ZNF385A: variants seen among roughly 807,000 people sequenced by gnomAD.
The protein encoded by ZNF385A is hematopoietic zinc finger protein.
ZNF385A carries 14 observed loss-of-function variants against 32.1 expected under a neutral mutation model. The ratio of observed to expected loss-of-function variants is 0.44; its 90% confidence interval spans 0.29 to 0.68. The LOEUF (loss-of-function observed/expected upper bound fraction) is 0.68. Among genes scored for constraint, ZNF385A ranks in the 30% least tolerant of loss-of-function variants. ZNF385A has a pLI of 0.14. For missense variants in ZNF385A, 406 were observed against 478.4 expected (o/e 0.85, Z 1.41); for synonymous variants, 197 against 202.7 (o/e 0.97, Z 0.24).
Position 54,370,730 on chromosome 12 carries a change from G to A in ZNF385A, c.775-9C>T. 2 of 1,584,274 alleles carry A rather than the reference G, an allele frequency of 1.3e-6. No individual in the cohort carries two copies. Among genetic ancestry groups the A allele is most frequent in the South Asian group, 1.1e-5 (1 of 88,368 alleles). Reference sequence around the variant, plus strand: ...CGCCGGCTGGAGATGTGCTGCGGGGGCCAGTGGATAGGGGGCTGTGAGCTC... The same window carrying A: ...CGCCGGCTGGAGATGTGCTGCGGGGACCAGTGGATAGGGGGCTGTGAGCTC... On this transcript the variant is annotated splice_polypyrimidine_tract_variant and intron_variant, in intron 5 of 6. Coordinates refer to ENST00000394313, the MANE Select transcript of ZNF385A (RefSeq NM_015481.3). The surrounding 1 kb of genome is among the most constrained non-coding windows in gnomAD (Gnocchi z 5.5).
chr12:54,387,135 G>C (rs2137311009), upstream of ZNF385A, among the ~76,000 whole-genome samples: 1 of 152,308 alleles, frequency 6.6e-6, no homozygotes, highest in South Asian at 2.1e-4. Context: ...GGAGAGGAAG[G>C]GGAGAGCAGG....
At chr12:54,379,908 C>T (rs372956365) in intron 1 of ZNF385A, among the ~76,000 whole-genome samples, 1 of 152,356 alleles carries the variant, frequency 6.6e-6, no homozygotes, top group African/African-American at 2.4e-5. Flanking sequence ...GCCCACTCCC[C>T]CAGACACCTC....
intron 3 of ZNF385A, 26 bp from the exon 4 acceptor site, chr12:54,371,741 A>T: frequency 1.2e-6 from 2 of 1,610,394 alleles, no homozygotes; most frequent in African/African-American, 1.3e-5. Flanking sequence ...AAACATGGGG[A>T]TCACCCTAGA....
Position 54,375,921 on chromosome 12 carries a change from T to TGTG in ZNF385A, c.118_120dup (p.His40dup). The TGTG allele has an allele frequency of 6.2e-7, 1 of 1,614,040 alleles. No homozygotes were observed. Among genetic ancestry groups the TGTG allele is most frequent in the East Asian group, 2.2e-5 (1 of 44,878 alleles). ...GTCTTGAGCAAGGGTCCCCCAAAAGTGTGGGAGAGCACAGCCTTCTGCACA... is the reference window on the plus strand; with the variant it reads ...GTCTTGAGCAAGGGTCCCCCAAAAGTGTGGTGGGAGAGCACAGCCTTCTGCACA... On this transcript the variant is annotated inframe_insertion, in exon 2 of 7. Coordinates refer to ENST00000394313, the MANE Select transcript of ZNF385A (RefSeq NM_015481.3).
intron 3 of ZNF385A, among the ~76,000 whole-genome samples, chr12:54,373,380 G>A (rs1954661483): frequency 6.6e-6 from 1 of 151,790 alleles, no homozygotes; most frequent in South Asian, 2.1e-4. Context: ...CAATTTCTTG[G>A]CTGCAAGTAT....
chr12:54,390,741 C>T (rs921372400), intron 1 of ZNF385A, among the ~76,000 whole-genome samples: 44 of 151,176 alleles, frequency 2.9e-4, no homozygotes, highest in African/African-American at 1.0e-3. Flanking sequence ...ACCACACTCA[C>T]CTCGAAGCTA....
At chr12:54,384,906 C>T (rs910864621), upstream of ZNF385A, 5 of 1,052,774 alleles carry the variant, frequency 4.7e-6, no homozygotes, top group Non-Finnish European at 5.7e-6. Flanking sequence ...CAGCCTCAAG[C>T]CCCTGGCCAC....
At position 54,370,994 on chromosome 12, in the gene ZNF385A, G is replaced by T. The variant is rs759984380; in HGVS notation, c.707C>A (p.Ala236Asp). 9.3e-6 allele frequency: 15 copies of T among 1,614,094 alleles called. No homozygotes were observed. The highest frequency in any genetic ancestry group is 1.3e-5 in the Non-Finnish European group (15 of 1,180,036). ...CTCACAGTGGAAAGTTCGGTCCTGG[G>T]CAGGAGCCTCTGGTTCCCCCGGGGT... ...PPTPGEPEAP[A>D]QDRTFHCEIC... Residue 236 changes from alanine to aspartate, a missense_variant, in exon 5 of 7, where the codon GCC becomes GAC. Transcript: ENST00000394313. The surrounding 1 kb of genome is among the most constrained non-coding windows in gnomAD (Gnocchi z 5.5).
upstream of ZNF385A, among the ~76,000 whole-genome samples, chr12:54,389,345 G>C (rs1186584656): frequency 2.0e-5 from 3 of 152,158 alleles, no homozygotes; most frequent in Non-Finnish European, 4.4e-5. Context: ...GGGGGTCCCT[G>C]GGGGTGGGGC....
In ZNF385A at chr12:54,370,585, C is replaced by T. The variant is rs1233270479; in HGVS notation, c.870+41G>A. 1 of 1,562,750 alleles carries T rather than the reference C, an allele frequency of 6.4e-7. No individual in the cohort carries two copies. Among genetic ancestry groups the T allele is most frequent in the Admixed American group, 1.9e-5 (1 of 52,578 alleles). ...CCCGCGTCCCTCTCTCCTCCCCGCCCGCGCCCTCCCACTGCTGAATTCCCA... is the reference window on the plus strand; with the variant it reads ...CCCGCGTCCCTCTCTCCTCCCCGCCTGCGCCCTCCCACTGCTGAATTCCCA... On this transcript the variant is annotated intron_variant, in intron 6 of 6. Transcript: ENST00000394313. This position sits in a 1 kb window ranked among gnomAD's most constrained non-coding sequence, Gnocchi z 5.5.
rs11170884 is a variant in ZNF385A, at chr12:54,372,414, C to T, written c.362-699G>A. ...CTTGTGGGAGGGGAACTCCTCACCC[C>T]TCCAGGTACCCATTTGCTTGTTCAT... On this transcript the variant is annotated intron_variant, in intron 3 of 6. Transcript: ENST00000394313. 3.6e-3 allele frequency among the ~76,000 whole-genome samples: 545 copies of T among 152,302 alleles called. 15 individuals carry two copies. Among genetic ancestry groups the T allele is most frequent in the Admixed American group, 0.03 (459 of 15,306 alleles).
chr12:54,376,144 C>T (rs1467201915), intron 1 of ZNF385A, among the ~76,000 whole-genome samples, 190 bp from the exon 2 acceptor site: 1 of 152,148 alleles, frequency 6.6e-6, no homozygotes, highest in African/African-American at 2.4e-5. Context: ...GGGACCTGAT[C>T]GATAACTGGC....
upstream of ZNF385A, among the ~76,000 whole-genome samples, chr12:54,386,206 A>G (rs1955473422): frequency 1.4e-5 from 2 of 144,156 alleles, 1 homozygote; most frequent in South Asian, 4.3e-4. Context: ...ACACACACAC[A>G]CACAGAGAGA....
chr12:54,382,941 G>T (rs1955272670), intron 1 of ZNF385A, among the ~76,000 whole-genome samples: 1 of 152,050 alleles, frequency 6.6e-6, no homozygotes. Context: ...GAGGCAGGTG[G>T]ATCACAAGGT....
upstream of ZNF385A, among the ~76,000 whole-genome samples, chr12:54,386,241 G>T (rs1165417150): frequency 6.6e-6 from 1 of 151,310 alleles, no homozygotes; most frequent in Admixed American, 6.6e-5. Context: ...TGAGTGAGAG[G>T]ATGGGAGAGT....
Position 54,375,943 on chromosome 12 carries a change from C to T in ZNF385A, c.99G>A (p.Val33=). The T allele has an allele frequency of 6.2e-7, 1 of 1,614,132 alleles. No homozygotes were observed. The highest frequency in any genetic ancestry group is 1.1e-5 in the South Asian group (1 of 91,088). ...LFSNYSTMDP[V]QKAVLSHTFG... ...AAGTGTGGGAGAGCACAGCCTTCTG[C>T]ACAGGGTCCATCTGTGGAGGCAGGC... is the stretch of plus-strand genomic sequence containing the variant. Residue 33 remains valine, a synonymous_variant, in exon 2 of 7, where the codon GTG becomes GTA. Coordinates refer to ENST00000394313, the MANE Select transcript of ZNF385A (RefSeq NM_015481.3).
In ZNF385A at chr12:54,370,889, G is replaced by T; in HGVS notation, c.774+38C>A. On this transcript the variant is annotated intron_variant, in intron 5 of 6. Coordinates refer to ENST00000394313, the MANE Select transcript of ZNF385A (RefSeq NM_015481.3). The surrounding 1 kb of genome is among the most constrained non-coding windows in gnomAD (Gnocchi z 5.5). Reference sequence around the variant, plus strand: ...GCTCCCCTTCCCCACTTAGCGGGTGGAGCGTCCCAGAATTCCTGGGAAGGG... The same window carrying T: ...GCTCCCCTTCCCCACTTAGCGGGTGTAGCGTCCCAGAATTCCTGGGAAGGG... The T allele has an allele frequency of 1.2e-6, 2 of 1,613,796 alleles. No individual in the cohort carries two copies. The highest frequency in any genetic ancestry group is 1.1e-5 in the South Asian group (1 of 91,026).
At chr12:54,386,347 A>G (rs1955481795), upstream of ZNF385A, among the ~76,000 whole-genome samples, 1 of 152,194 alleles carries the variant, frequency 6.6e-6, no homozygotes, top group Admixed American at 6.5e-5. Context: ...GCGAAATCAG[A>G]CATACAAACA....
At chr12:54,384,383 G>A (rs779226772) in intron 1 of ZNF385A, 45 bp downstream of exon 1, 2 of 1,536,370 alleles carry the variant, frequency 1.3e-6, no homozygotes, top group Non-Finnish European at 1.8e-6. Context: ...AGAGAGAAAG[G>A]TCGGGTCACA....
Sources: allele counts gnomAD v4.1 joint callset (sites outside exome capture counted in the v4.1 genomes callset), GRCh38; gene constraint gnomAD v4.1.1; non-coding constraint Gnocchi (gnomAD v3.1); transcripts MANE v1.5; gene names NCBI Gene and HGNC (gene_info 2026-07-23, HGNC 2026-07-21).